The following PLS1 variants were observed in gnomAD, a reference collection of about 807,000 sequenced individuals.
PLS1 encodes the protein plastin 1, also known as plastin-1.
In PLS1, 32 loss-of-function variants were observed where a neutral mutation model predicts 73.7. The ratio of observed to expected loss-of-function variants is 0.43; its 90% CI spans 0.33 to 0.58. The LOEUF (loss-of-function observed/expected upper bound fraction) is 0.58, where lower values mean the gene tolerates loss of function less well. Ranked by LOEUF, PLS1 falls within the 20% of genes least tolerant of loss-of-function variation. The pLI is 0.04. For synonymous variants in PLS1, 217 were observed against 261.3 expected (o/e 0.83, Z 1.63); for missense variants, 633 against 740.5 (o/e 0.85, Z 1.68).
chr3:142,676,196 C>A lies in PLS1; in HGVS notation c.404C>A (p.Ala135Asp). The A allele has an allele frequency of 6.2e-7, 1 of 1,613,128 alleles. No homozygotes were observed. Among genetic ancestry groups the A allele is most frequent in the East Asian group, 2.2e-5 (1 of 44,838 alleles). The change falls in exon 5 of 16, where the codon GCC (alanine) becomes GAC (aspartate). Residue 135 changes from alanine to aspartate, a missense_variant. By Grantham distance (126) the Ala-to-Asp change is moderately radical. Coordinates refer to ENST00000457734, the MANE Select transcript of PLS1 (RefSeq NM_001145319.2). ...GCTTTTGTTAACTGGATAAACAAAGCCCTGGAGAATGACCCTGACTGTAAG... is the reference window on the plus strand; with the variant it reads ...GCTTTTGTTAACTGGATAAACAAAGACCTGGAGAATGACCCTGACTGTAAG... ...KVAFVNWINK[A>D]LENDPDCKHL...
In PLS1 at chr3:142,704,616, TTTGTAGGTA is replaced by T. The variant is rs767594830; in HGVS notation, c.1629+32_1629+40del. 8 of 1,420,604 alleles carry T rather than the reference TTTGTAGGTA, an allele frequency of 5.6e-6. No individual in the cohort carries two copies. In the South Asian group the frequency reaches 1.0e-4, roughly 19 times the overall value. 88.0% of individuals were successfully genotyped at this position (1,420,604 alleles called of 1,614,324 possible). On this transcript the variant is annotated intron_variant, in intron 14 of 15. Coordinates refer to ENST00000457734, the MANE Select transcript of PLS1 (RefSeq NM_001145319.2). The stretch of plus-strand genomic sequence containing the variant: ...TCAAGAGTCCTAAAAAAAATTTTTT[TTTGTAGGTA>T]TAGGAAGGAATTTTTTTTTTTTTTT...
rs869303176 is a variant in PLS1, at chr3:142,599,323, CTTTT to C, written c.-37+2835_-37+2838del. Among the ~76,000 whole-genome samples, 9 of 44,206 alleles carry C rather than the reference CTTTT, an allele frequency of 2.0e-4. No individual in the cohort carries two copies. In the East Asian group the frequency reaches 5.6e-3, roughly 28 times the overall value. The allele number at this position is 44,206 out of a possible 152,430, so 29.0% of individuals were successfully genotyped here. A position where few individuals can be genotyped will look rare whatever the true frequency, so the allele number is the denominator to read the frequency against. On this transcript the variant is annotated intron_variant, in intron 1 of 15. Coordinates refer to ENST00000457734, the MANE Select transcript of PLS1 (RefSeq NM_001145319.2). ...TGTATAGAGGAGGGACTCAGATATTCTTTTTTTTTTTTTTTTTTTTTTTTGAGAT... is the reference window on the plus strand; with the variant it reads ...TGTATAGAGGAGGGACTCAGATATTCTTTTTTTTTTTTTTTTTTTTGAGAT...
At chr3:142,626,260 CA>C (rs1256904428) in intron 1 of PLS1, among the ~76,000 whole-genome samples, 1 of 152,136 alleles carries the variant, frequency 6.6e-6, no homozygotes, top group Non-Finnish European at 1.5e-5. Flanking sequence ...AGCATCTTAG[CA>C]AACACAATAT....
At chr3:142,670,409 T>C (rs1433654109) in intron 3 of PLS1, among the ~76,000 whole-genome samples, 1 of 152,156 alleles carries the variant, frequency 6.6e-6, no homozygotes, top group East Asian at 1.9e-4. Flanking sequence ...ATTTTTGTTT[T>C]TATCCTAAAA....
chr3:142,617,080 A>G (rs1001278473), intron 1 of PLS1, among the ~76,000 whole-genome samples: 33 of 152,176 alleles, frequency 2.2e-4, no homozygotes, highest in Non-Finnish European at 2.9e-4. Flanking sequence ...AATAATCCAT[A>G]TAGTTGGCAT....
chr3:142,635,822 G>A (rs2036674668), intron 1 of PLS1, among the ~76,000 whole-genome samples: 1 of 152,086 alleles, frequency 6.6e-6, no homozygotes, highest in Admixed American at 6.6e-5. Flanking sequence ...TAACAGAACT[G>A]GAGAACTAGT....
intron 4 of PLS1, among the ~76,000 whole-genome samples, chr3:142,674,305 TATG>T (rs1315018911): frequency 6.6e-6 from 1 of 152,192 alleles, no homozygotes; most frequent in East Asian, 1.9e-4. Context: ...TAAGGCAGAT[TATG>T]ATATGTACAA....
At chr3:142,612,395 T>G (rs2036139928) in intron 1 of PLS1, among the ~76,000 whole-genome samples, 2 of 152,226 alleles carry the variant, frequency 1.3e-5, no homozygotes, top group Admixed American at 6.5e-5. Context: ...GAATGCTCTG[T>G]TATATGTGAT....
At chr3:142,641,175 T>TAA (rs200527473) in intron 1 of PLS1, among the ~76,000 whole-genome samples, 3 of 143,344 alleles carry the variant, frequency 2.1e-5, no homozygotes, top group South Asian at 4.3e-4. Context: ...TATATATATA[T>TAA]TATATATATA....
At chr3:142,702,358 CTTT>C (rs1327605505) in intron 12 of PLS1, among the ~76,000 whole-genome samples, 1 of 152,136 alleles carries the variant, frequency 6.6e-6, no homozygotes, top group Non-Finnish European at 1.5e-5. Flanking sequence ...TTTGGATTCT[CTTT>C]TTTAAGAACA....
In PLS1 at chr3:142,709,834, T is replaced by G. The variant is rs948585542; in HGVS notation, c.1630-1667T>G. Among the ~76,000 whole-genome samples the G allele has an allele frequency of 4.0e-5, 6 of 150,180 alleles. No individual in the cohort carries two copies. The East Asian group carries it at 9.7e-4, about 24-fold the overall frequency. On this transcript the variant is annotated intron_variant, in intron 14 of 15. Transcript: ENST00000457734. ...TCTGCGTCAAAAAAAAAAAAAAAAT[T>G]AATAAATGAAGTGGCTCATAGATTG...
chr3:142,614,109 A>T (rs2036170362), intron 1 of PLS1, among the ~76,000 whole-genome samples: 1 of 151,840 alleles, frequency 6.6e-6, no homozygotes, highest in African/African-American at 2.4e-5. Context: ...CTCTCTCCTC[A>T]CCCTCTGTGA....
chr3:142,676,290 G>T lies in PLS1; in HGVS notation c.497+1G>T, dbSNP rs1487736455. 1 of 1,611,290 alleles carries T rather than the reference G, an allele frequency of 6.2e-7. No homozygotes were observed. On this transcript the variant is annotated splice_donor_variant, in intron 5 of 15. Coordinates refer to ENST00000457734, the MANE Select transcript of PLS1 (RefSeq NM_001145319.2). LOFTEE classifies it high-confidence loss of function. ...CACTTGCAGATGGCATCCTTCTTTG[G>T]TGAGTTGAACTTCTGGTTAAGGAAG...
At chr3:142,602,107 G>GTT (rs11422433) in intron 1 of PLS1, among the ~76,000 whole-genome samples, 5,031 of 144,364 alleles carry the variant, frequency 0.035, 281 homozygotes, top group African/African-American at 0.11. Flanking sequence ...AATCGTTCCG[G>GTT]TTTTTTTTTT....
At chr3:142,600,920 T>A (rs868471418) in intron 1 of PLS1, among the ~76,000 whole-genome samples, 146 of 32,300 alleles carry the variant, frequency 4.5e-3, no homozygotes, top group South Asian at 9.6e-3. Flanking sequence ...ATATATATTT[T>A]TTTTTTTTTT....
intron 1 of PLS1, among the ~76,000 whole-genome samples, chr3:142,643,771 A>C (rs987291402): frequency 6.6e-6 from 1 of 151,980 alleles, no homozygotes; most frequent in Non-Finnish European, 1.5e-5. Context: ...CTTTAAAACT[A>C]TCAACAGCTA....
intron 2 of PLS1, among the ~76,000 whole-genome samples, chr3:142,664,660 AC>A (rs1224715724): frequency 6.6e-6 from 1 of 152,248 alleles, no homozygotes; most frequent in Non-Finnish European, 1.5e-5. Flanking sequence ...ACATCTTTGC[AC>A]TAACAATAAC....
chr3:142,645,315 G>A (rs1310515887), intron 1 of PLS1: 1 of 152,162 alleles, frequency 6.6e-6, no homozygotes, highest in Non-Finnish European at 1.5e-5. Flanking sequence ...GCGTTGGATT[G>A]TGTAGGTTGC....
chr3:142,602,440 C>T (rs997867217), intron 1 of PLS1, among the ~76,000 whole-genome samples: 1 of 152,008 alleles, frequency 6.6e-6, no homozygotes, highest in African/African-American at 2.4e-5. Context: ...TAATCTTAGG[C>T]CTTTGAACTA....
Sources: gnomAD v4.1 joint callset for allele counts (sites outside exome capture counted in the v4.1 genomes callset) on GRCh38, gnomAD v4.1.1 for gene constraint, MANE v1.5 for transcripts, NCBI Gene and HGNC (gene_info 2026-07-23, HGNC 2026-07-21) for gene names.